The following RIPOR2 variants were observed in gnomAD, a reference collection of about 807,000 sequenced individuals.
RIPOR2 encodes RHO family interacting cell polarization regulator 2.
In RIPOR2, 39 loss-of-function variants were observed where a neutral mutation model predicts 114.5. That is an observed-to-expected ratio of 0.34 (90% CI 0.26 to 0.44). The LOEUF (loss-of-function observed/expected upper bound fraction) is 0.44. RIPOR2 is among the 20% of genes least tolerant of loss of function. RIPOR2 has a pLI of 1.00. For missense variants in RIPOR2, 1,007 were observed against 1,255.1 expected, an observed-to-expected ratio of 0.80 and a Z score of 2.99; for synonymous variants, 445 against 484.4, an observed-to-expected ratio of 0.92 and a Z score of 1.07.
At chr6:24,935,480 C>A (rs147489053) in intron 1 of RIPOR2, among the ~76,000 whole-genome samples, 1 of 152,164 alleles carries the variant, frequency 6.6e-6, no homozygotes, top group Admixed American at 6.5e-5. Context: ...TCCCTAGCAG[C>A]CCTGCTGTGC....
intron 1 of RIPOR2, among the ~76,000 whole-genome samples, chr6:24,923,066 C>G (rs143809410): frequency 6.6e-6 from 1 of 152,014 alleles, no homozygotes; most frequent in Non-Finnish European, 1.5e-5. Flanking sequence ...TGGCAACCAC[C>G]GTCTATTTAT....
intron 1 of RIPOR2, among the ~76,000 whole-genome samples, chr6:24,891,389 C>A (rs79268154): frequency 1.3e-5 from 2 of 152,022 alleles, no homozygotes; most frequent in Non-Finnish European, 2.9e-5. Context: ...GGTATAGCTA[C>A]GTGCAAATAT....
At chr6:24,962,337 A>T (rs533445617) in intron 1 of RIPOR2, among the ~76,000 whole-genome samples, 5 of 152,336 alleles carry the variant, frequency 3.3e-5, no homozygotes, top group African/African-American at 1.2e-4. Context: ...GTAAAAAGCT[A>T]TTTTAGGAAG....
At chr6:24,865,189 T>A (rs1467594287) in intron 7 of RIPOR2, 112 bp downstream of exon 7, 2 of 841,716 alleles carry the variant, frequency 2.4e-6, no homozygotes, top group East Asian at 5.4e-5. Flanking sequence ...CCTATCTTTC[T>A]AGAGGGTGGA....
chr6:24,922,736 T>C (rs1770586916), intron 1 of RIPOR2, among the ~76,000 whole-genome samples: 1 of 151,550 alleles, frequency 6.6e-6, no homozygotes, highest in Admixed American at 6.6e-5. Context: ...GGCGTGCACC[T>C]GTAGTTCCAG....
intron 15 of RIPOR2, 78 bp downstream of exon 15, chr6:24,835,625 A>G: frequency 7.1e-7 from 1 of 1,402,492 alleles, no homozygotes; most frequent in Non-Finnish European, 9.9e-7. Flanking sequence ...TTTCCCTGGC[A>G]ACACTAAAAA....
chr6:24,959,203 C>T (rs1432645768), intron 1 of RIPOR2, among the ~76,000 whole-genome samples: 1 of 152,174 alleles, frequency 6.6e-6, no homozygotes, highest in East Asian at 1.9e-4. Context: ...TTCATTTTAA[C>T]TAATTACATC....
chr6:24,881,975 T>C (rs1160130928), intron 1 of RIPOR2, among the ~76,000 whole-genome samples: 3 of 152,194 alleles, frequency 2.0e-5, no homozygotes, highest in Non-Finnish European at 4.4e-5. Flanking sequence ...TTGCACCTCC[T>C]TGGAGAACTT....
chr6:24,917,284 T>G (rs1288810430), intron 1 of RIPOR2, among the ~76,000 whole-genome samples: 2 of 152,228 alleles, frequency 1.3e-5, no homozygotes, highest in Admixed American at 1.3e-4. Flanking sequence ...GAGTCTTTAG[T>G]TCACATTTTG....
intron 8 of RIPOR2, among the ~76,000 whole-genome samples, chr6:24,853,942 C>T (rs1481851905): frequency 1.3e-5 from 2 of 151,678 alleles, no homozygotes; most frequent in African/African-American, 2.4e-5. Flanking sequence ...ATAGTGAGAC[C>T]TCATCTCTAC....
chr6:24,996,564 C>A (rs1326967003), intron 1 of RIPOR2, among the ~76,000 whole-genome samples: 1 of 152,216 alleles, frequency 6.6e-6, no homozygotes, highest in Non-Finnish European at 1.5e-5. Flanking sequence ...TCCCTTCCCT[C>A]CCACCACTGT....
intron 1 of RIPOR2, among the ~76,000 whole-genome samples, chr6:24,942,878 A>G (rs1772210759): frequency 6.6e-6 from 1 of 152,028 alleles, no homozygotes; most frequent in Non-Finnish European, 1.5e-5. Context: ...GTTCACTCTG[A>G]TGGTAGTTTC....
intron 1 of RIPOR2, among the ~76,000 whole-genome samples, chr6:24,978,410 A>G (rs1774163585): frequency 6.6e-6 from 1 of 152,184 alleles, no homozygotes; most frequent in Non-Finnish European, 1.5e-5. Context: ...ATAAATATAT[A>G]TCACTTTAAG....
intron 5 of RIPOR2, 24 bp downstream of exon 5, chr6:24,870,841 AC>A: frequency 1.3e-6 from 2 of 1,590,868 alleles, no homozygotes; most frequent in Non-Finnish European, 1.7e-6. Context: ...TCTTATTAGC[AC>A]CCCAACACGG....
intron 1 of RIPOR2, among the ~76,000 whole-genome samples, chr6:24,966,722 G>A (rs957677610): frequency 5.3e-5 from 8 of 152,188 alleles, no homozygotes; most frequent in African/African-American, 1.9e-4. Context: ...GTACAGCACT[G>A]CCATGTGAAC....
At chr6:24,970,350 T>C (rs1773725709) in intron 1 of RIPOR2, among the ~76,000 whole-genome samples, 1 of 152,144 alleles carries the variant, frequency 6.6e-6, no homozygotes, top group Non-Finnish European at 1.5e-5. Context: ...TAGAGGATTA[T>C]TTAGGGAAAC....
intron 1 of RIPOR2, among the ~76,000 whole-genome samples, chr6:24,968,947 C>T (rs1773653417): frequency 6.6e-6 from 1 of 152,196 alleles, no homozygotes. Flanking sequence ...GCCTGTGACT[C>T]CTGGCTGCCT....
chr6:24,809,868 T>C (rs1361672519), intron 20 of RIPOR2, 61 bp from the exon 21 acceptor site: 2 of 1,120,294 alleles, frequency 1.8e-6, no homozygotes, highest in Non-Finnish European at 2.6e-6. Flanking sequence ...ACCACGAGAC[T>C]TGGCATTTCA....
rs565875420 is a variant in RIPOR2 at position 24,806,120 on chromosome 6, A to C, written c.*253T>G. The C allele has an allele frequency of 2.2e-6, 1 of 464,030 alleles. No individual in the cohort carries two copies. Among genetic ancestry groups the C allele is most frequent in the Non-Finnish European group, 3.8e-6 (1 of 264,328 alleles). The allele number at this position is 464,030 out of a possible 1,614,324, so 28.7% of individuals were successfully genotyped here. On this transcript the variant is annotated 3_prime_UTR_variant, in exon 22 of 22. Transcript: ENST00000643898. ...GCATGCCACCACGCCTGACTAATTA[A>C]ACTATTTTTTTTGTAGAGACAGGGC...
Sources: gnomAD v4.1 joint callset for allele counts (sites outside exome capture counted in the v4.1 genomes callset) on GRCh38, gnomAD v4.1.1 for gene constraint, MANE v1.5 for transcripts, NCBI Gene and HGNC (gene_info 2026-07-23, HGNC 2026-07-21) for gene names.